The following TYW1B variants were observed in gnomAD, a reference collection of about 807,000 sequenced individuals.
TYW1B encodes the protein S-adenosyl-L-methionine-dependent tRNA 4-demethylwyosine synthase TYW1B.
Under a neutral mutation model 86.9 loss-of-function variants are expected in TYW1B, and 73 were observed. The observed-to-expected ratio is 0.84, with a 90% CI of 0.70 to 1.02. TYW1B has a LOEUF of 1.02. Among genes scored for constraint, TYW1B ranks in the 50% least tolerant of loss-of-function variants. The probability of loss-of-function intolerance (pLI) is 0.00; values close to 1 mark genes in which losing one functional copy is unlikely to be tolerated. For missense variants in TYW1B, 637 were observed against 827.4 expected, an observed-to-expected ratio of 0.77 and a Z score of 2.82; for synonymous variants, 248 against 292.8, an observed-to-expected ratio of 0.85 and a Z score of 1.56.
At position 72,652,635 on chromosome 7, in the gene TYW1B, C is replaced by T. The variant is rs144832823; in HGVS notation, c.1507-23638G>A. 7.8e-3 allele frequency among the ~76,000 whole-genome samples: 1,186 copies of T among 152,096 alleles called. 12 individuals carry two copies. Among genetic ancestry groups the T allele is most frequent in the African/African-American group, 0.028 (1,147 of 41,510 alleles). ...TAGTTATACTGGTGAGTTGAACTTA[C>T]AGAAAGTCAGCTGTACACTTTTTAT... On this transcript the variant is annotated intron_variant, in intron 11 of 13. Coordinates refer to ENST00000620995, the MANE Select transcript of TYW1B (RefSeq NM_001145440.3).
At chr7:72,787,497 T>C (rs1788149109) in intron 6 of TYW1B, among the ~76,000 whole-genome samples, 1 of 149,890 alleles carries the variant, frequency 6.7e-6, no homozygotes, top group African/African-American at 2.4e-5. Context: ...TGGCTCACGT[T>C]TGTAATCCCA....
At chr7:72,747,353 G>A (rs1486303661) in intron 7 of TYW1B, among the ~76,000 whole-genome samples, 2 of 152,112 alleles carry the variant, frequency 1.3e-5, no homozygotes, top group Non-Finnish European at 2.9e-5. Context: ...TGATTCTGAG[G>A]CCTCCCCAGC....
At chr7:72,686,770 A>T (rs1554449509) in intron 11 of TYW1B, among the ~76,000 whole-genome samples, 1 of 152,164 alleles carries the variant, frequency 6.6e-6, no homozygotes, top group Non-Finnish European at 1.5e-5. Context: ...CTTGTGGGTG[A>T]TGTTGATAAG....
intron 7 of TYW1B, among the ~76,000 whole-genome samples, chr7:72,747,142 G>C (rs563712014): frequency 6.6e-6 from 1 of 152,254 alleles, no homozygotes; most frequent in South Asian, 2.1e-4. Context: ...ATCTCAACTT[G>C]AATTGTAGCT....
chr7:72,752,947 G>A (rs908942533), intron 7 of TYW1B, among the ~76,000 whole-genome samples: 23 of 152,192 alleles, frequency 1.5e-4, no homozygotes, highest in Middle Eastern at 3.4e-3. Flanking sequence ...TGGAGTTGAT[G>A]AAAATGCATC....
Position 72,574,744 on chromosome 7 carries a change from A to G in TYW1B, c.*754T>C. ...GACAGTGACCTCACGAACAAAAAGA[A>G]ATGATCCTCTTCAGTCCAAAGTGTG... On this transcript the variant is annotated 3_prime_UTR_variant, in exon 14 of 14. Coordinates refer to ENST00000620995, the MANE Select transcript of TYW1B (RefSeq NM_001145440.3). 4.2e-5 allele frequency: 41 copies of G among 985,318 alleles called. No individual in the cohort carries two copies. Among genetic ancestry groups the G allele is most frequent in the Non-Finnish European group, 4.7e-5 (39 of 829,922 alleles). The allele number at this position is 985,318 out of a possible 1,614,324, so 61.0% of individuals were successfully genotyped here.
At chr7:72,739,306 T>A (rs566146779) in intron 8 of TYW1B, among the ~76,000 whole-genome samples, 1 of 152,096 alleles carries the variant, frequency 6.6e-6, no homozygotes, top group Admixed American at 6.6e-5. Context: ...AAGAATTTTT[T>A]TAAAGTGGGT....
intron 5 of TYW1B, among the ~76,000 whole-genome samples, chr7:72,803,714 A>C (rs1788445436): frequency 6.6e-6 from 1 of 151,946 alleles, no homozygotes; most frequent in Non-Finnish European, 1.5e-5. Context: ...CCTTGGTTCA[A>C]GCAATTCTCA....
chr7:72,590,691 C>T (rs1563021170), intron 13 of TYW1B, among the ~76,000 whole-genome samples: 1 of 152,126 alleles, frequency 6.6e-6, no homozygotes, highest in Non-Finnish European at 1.5e-5. Flanking sequence ...CAAAGCAAAA[C>T]AAAACTCCAG....
At chr7:72,756,530 C>T (rs914579163) in intron 7 of TYW1B, among the ~76,000 whole-genome samples, 43 of 152,100 alleles carry the variant, frequency 2.8e-4, no homozygotes, top group African/African-American at 9.9e-4. Flanking sequence ...CCACGACACC[C>T]GGCCTAGTAC....
At chr7:72,813,146 T>C (rs1289567258) in intron 3 of TYW1B, among the ~76,000 whole-genome samples, 5 of 151,214 alleles carry the variant, frequency 3.3e-5, no homozygotes. Flanking sequence ...TGAAAGTTTG[T>C]CAACCCCAGC....
chr7:72,770,298 G>A (rs1554469264), intron 7 of TYW1B, among the ~76,000 whole-genome samples: 4 of 151,232 alleles, frequency 2.6e-5, no homozygotes, highest in East Asian at 1.9e-4. Context: ...GTGTGGTGGT[G>A]CGCGCCTGTA....
chr7:72,747,899 T>C lies in TYW1B; in HGVS notation c.965-3298A>G, dbSNP rs559500086. Among the ~76,000 whole-genome samples, 14 of 152,336 alleles carry C rather than the reference T, an allele frequency of 9.2e-5. No homozygotes were observed. In the South Asian group the frequency reaches 2.9e-3, roughly 32 times the overall value. On this transcript the variant is annotated intron_variant, in intron 7 of 13. Transcript: ENST00000620995. ...AGTCCTGTGTATGTTTTGTTAAATG[T>C]AAATCGAAGCATATTACTTTCGTTG...
intron 11 of TYW1B, among the ~76,000 whole-genome samples, chr7:72,668,077 G>A (rs192714658): frequency 5.3e-5 from 8 of 151,704 alleles, no homozygotes; most frequent in South Asian, 2.1e-4. Context: ...TCTAGGCCTC[G>A]GAGTCCTAGA....
At chr7:72,787,233 G>C (rs530344994) in intron 6 of TYW1B, among the ~76,000 whole-genome samples, 56 of 151,034 alleles carry the variant, frequency 3.7e-4, no homozygotes, top group Non-Finnish European at 4.3e-4. Context: ...AGGCCAAGGT[G>C]GGTGGATCAC....
intron 11 of TYW1B, among the ~76,000 whole-genome samples, chr7:72,645,520 C>T (rs1209070448): frequency 6.6e-6 from 1 of 152,070 alleles, no homozygotes; most frequent in Non-Finnish European, 1.5e-5. Context: ...ATCATAGCCC[C>T]AACCAGGATG....
chr7:72,701,637 G>C (rs1814477634), intron 10 of TYW1B, among the ~76,000 whole-genome samples: 1 of 152,064 alleles, frequency 6.6e-6, no homozygotes, highest in Non-Finnish European at 1.5e-5. Flanking sequence ...GGTTTGGTTG[G>C]TTACTTTGGT....
chr7:72,688,907 C>A (rs1814073660), intron 11 of TYW1B, among the ~76,000 whole-genome samples: 1 of 152,186 alleles, frequency 6.6e-6, no homozygotes. Flanking sequence ...TGGCTTTAGA[C>A]AACACATTTG....
intron 11 of TYW1B, among the ~76,000 whole-genome samples, chr7:72,654,618 C>T (rs1238301954): frequency 1.3e-5 from 2 of 152,192 alleles, no homozygotes; most frequent in African/African-American, 4.8e-5. Flanking sequence ...CGGTGGCTCA[C>T]GCCTGTAATC....
Sources: allele counts gnomAD v4.1 joint callset (sites outside exome capture counted in the v4.1 genomes callset), GRCh38; gene constraint gnomAD v4.1.1; transcripts MANE v1.5; gene names NCBI Gene and HGNC (gene_info 2026-07-23, HGNC 2026-07-21).